Variants in ESRP1 observed in about 807,000 individuals in gnomAD.
ESRP1 encodes the protein RNA-binding motif protein 35A.
In ESRP1, 33 loss-of-function variants were observed where a neutral mutation model predicts 81.7. The ratio of observed to expected loss-of-function variants is 0.40; its 90% CI spans 0.31 to 0.54. ESRP1 has a LOEUF of 0.54. Ranked by LOEUF, ESRP1 falls within the 20% of genes least tolerant of loss-of-function variation. ESRP1 has a pLI of 0.41. For missense variants in ESRP1, 672 were observed against 833.1 expected, an observed-to-expected ratio of 0.81 and a Z score of 2.38; for synonymous variants, 320 against 303.3, an observed-to-expected ratio of 1.06 and a Z score of -0.57.
chr8:94,669,130 A>G (rs1819176952), intron 10 of ESRP1, among the ~76,000 whole-genome samples: 2 of 152,206 alleles, frequency 1.3e-5, no homozygotes. Flanking sequence ...CACTTCCTCA[A>G]AATGTACTAA....
Position 94,678,313 on chromosome 8 carries a change from A to C in ESRP1, c.1762A>C (p.Thr588Pro), listed in dbSNP as rs776626542. Residue 588 changes from threonine to proline, a missense_variant, in exon 13 of 16, where the codon ACA (threonine) becomes CCA (proline). Coordinates refer to ENST00000433389, the MANE Select transcript of ESRP1 (RefSeq NM_017697.4). The part of the protein sequence containing the change: ...ILNPRALQPS[T>P]AYYPAGTQLF... Reference sequence around the variant, plus strand: ...GAATCCACGAGCACTGCAGCCCTCCACAGCGTACTACCCAGCAGGCACTCA... The same window carrying C: ...GAATCCACGAGCACTGCAGCCCTCCCCAGCGTACTACCCAGCAGGCACTCA... 1 of 1,613,980 alleles carries C rather than the reference A, an allele frequency of 6.2e-7. No individual in the cohort carries two copies. Among genetic ancestry groups the C allele is most frequent in the Admixed American group, 1.7e-5 (1 of 60,016 alleles).
At chr8:94,663,412 A>G (rs1458499091) in intron 6 of ESRP1, among the ~76,000 whole-genome samples, 1 of 151,926 alleles carries the variant, frequency 6.6e-6, no homozygotes, top group Non-Finnish European at 1.5e-5. Context: ...TGCCTGGCTA[A>G]GTTTTGTATT....
chr8:94,672,929 T>TG (rs375780133), intron 11 of ESRP1, among the ~76,000 whole-genome samples: 288 of 151,174 alleles, frequency 1.9e-3, no homozygotes, highest in African/African-American at 6.6e-3. Flanking sequence ...ATACTGAATT[T>TG]TTTTCCCCTA....
intron 15 of ESRP1, 172 bp from the exon 16 acceptor site, chr8:94,705,753 C>T: frequency 1.6e-6 from 1 of 611,160 alleles, no homozygotes; most frequent in Non-Finnish European, 2.8e-6. Context: ...CTCCCAAAGC[C>T]CTTGCCATGT....
At chr8:94,654,758 C>T (rs1031757406) in intron 4 of ESRP1, among the ~76,000 whole-genome samples, 2 of 151,834 alleles carry the variant, frequency 1.3e-5, no homozygotes, top group East Asian at 1.9e-4. Context: ...CCTGTCTCTA[C>T]AAAAATAAAT....
At chr8:94,654,299 CAG>C (rs753333552) in intron 4 of ESRP1, among the ~76,000 whole-genome samples, 56 of 152,242 alleles carry the variant, frequency 3.7e-4, no homozygotes, top group Non-Finnish European at 7.2e-4. Context: ...GCCTGGGCGA[CAG>C]AGTGAGACTC....
intron 9 of ESRP1, 149 bp downstream of exon 9, chr8:94,665,345 A>G: frequency 1.2e-6 from 1 of 801,220 alleles, no homozygotes; most frequent in South Asian, 1.8e-5. Context: ...CAGAGGTAGA[A>G]GCTTCCGATA....
intron 15 of ESRP1, among the ~76,000 whole-genome samples, chr8:94,699,951 C>A (rs1300839624): frequency 6.6e-6 from 1 of 152,066 alleles, no homozygotes; most frequent in Non-Finnish European, 1.5e-5. Flanking sequence ...ATTATCATAA[C>A]CGAGTGGCTC....
At chr8:94,697,825 G>C (rs759005301) in intron 15 of ESRP1, among the ~76,000 whole-genome samples, 5 of 151,718 alleles carry the variant, frequency 3.3e-5, no homozygotes, top group East Asian at 1.9e-4. Context: ...ACTGTTGCCC[G>C]GGCTGGAGTG....
Position 94,696,932 on chromosome 8 carries a change from C to T in ESRP1, c.*6C>T. The T allele has an allele frequency of 4.4e-6, 7 of 1,577,616 alleles. No individual in the cohort carries two copies. In the South Asian group the frequency reaches 4.7e-5, roughly 11 times the overall value. On this transcript the variant is annotated 3_prime_UTR_variant, in exon 15 of 16. Transcript: ENST00000433389. Reference sequence around the variant, plus strand: ...AAGAATGGGTTTGTATTTAAGGGCCCCAGCAGTTAGAACATCCTCAGAAAA... The same window carrying T: ...AAGAATGGGTTTGTATTTAAGGGCCTCAGCAGTTAGAACATCCTCAGAAAA...
rs1340388990 is a variant in ESRP1, at chr8:94,692,697, G to C, written c.1841G>C (p.Ser614Thr). ...TTTAGCCCCCCAGGTTCGCCTAATA[G>C]TCTTGGCTACTTCCCTACAGCTGCT... ...YYPSPPGSPN[S>T]LGYFPTAANL... The change falls in exon 14 of 16, where the codon AGT (serine) becomes ACT (threonine). Residue 614 changes from serine (S) to threonine (T), a missense_variant. Ser to Thr is a moderately conservative substitution (Grantham distance 58). Coordinates refer to ENST00000433389, the MANE Select transcript of ESRP1 (RefSeq NM_017697.4). 1 of 1,613,850 alleles carries C rather than the reference G, an allele frequency of 6.2e-7. No individual in the cohort carries two copies. Among genetic ancestry groups the C allele is most frequent in the South Asian group, 1.1e-5 (1 of 91,050 alleles).
intron 4 of ESRP1, chr8:94,646,512 T>C: frequency 2.6e-6 from 1 of 387,640 alleles, no homozygotes; most frequent in Non-Finnish European, 4.7e-6. Flanking sequence ...GGTGGGGTGA[T>C]CACATGTAGA....
At chr8:94,648,428 T>A (rs1817947070) in intron 4 of ESRP1, among the ~76,000 whole-genome samples, 1 of 152,228 alleles carries the variant, frequency 6.6e-6, no homozygotes, top group South Asian at 2.1e-4. Context: ...AATACTTATT[T>A]CCCTGTCTAG....
intron 4 of ESRP1, chr8:94,656,253 C>G (rs1818412417): frequency 6.6e-6 from 1 of 151,728 alleles, no homozygotes; most frequent in African/African-American, 2.4e-5. Flanking sequence ...GAGTCATCGT[C>G]TGTCGCCCAG....
At chr8:94,653,159 A>C (rs1818229978) in intron 4 of ESRP1, among the ~76,000 whole-genome samples, 1 of 152,052 alleles carries the variant, frequency 6.6e-6, no homozygotes, top group African/African-American at 2.4e-5. Flanking sequence ...AAATCACTAA[A>C]CTGCTCATGC....
At chr8:94,667,068 G>GGTGT (rs1163646804) in intron 9 of ESRP1, among the ~76,000 whole-genome samples, 26,166 of 144,052 alleles carry the variant, frequency 0.18, 2,851 homozygotes, top group African/African-American at 0.31. Context: ...CCAGGAGAGG[G>GGTGT]GTGTGTGTGT....
At chr8:94,668,732 G>C (rs576800828) in intron 10 of ESRP1, among the ~76,000 whole-genome samples, 9 of 150,322 alleles carry the variant, frequency 6.0e-5, no homozygotes, top group African/African-American at 1.7e-4. Flanking sequence ...TTCCCAAAAG[G>C]CTTCATCGGT....
chr8:94,681,183 G>A (rs534608593), intron 13 of ESRP1, among the ~76,000 whole-genome samples: 15 of 151,820 alleles, frequency 9.9e-5, no homozygotes, highest in African/African-American at 3.1e-4. Flanking sequence ...AAAATTAGCC[G>A]GGCGTGGTGA....
intron 15 of ESRP1, among the ~76,000 whole-genome samples, chr8:94,703,108 G>T (rs79024755): frequency 0.019 from 2,412 of 128,434 alleles, 62 homozygotes; most frequent in African/African-American, 0.059. Context: ...GAGATTGATT[G>T]TTTTTTTTTT....
Sources: allele counts gnomAD v4.1 joint callset (sites outside exome capture counted in the v4.1 genomes callset), GRCh38; gene constraint gnomAD v4.1.1; transcripts MANE v1.5; gene names NCBI Gene and HGNC (gene_info 2026-07-23, HGNC 2026-07-21).